Variants in SLC24A4 observed in about 807,000 individuals in gnomAD.
SLC24A4 encodes solute carrier family 24 member 4, also known as sodium/potassium/calcium exchanger 4.
SLC24A4 carries 53 observed loss-of-function variants against 79.0 expected under a neutral mutation model. The ratio of observed to expected loss-of-function variants is 0.67; its 90% CI spans 0.54 to 0.84. SLC24A4 has a LOEUF of 0.84. Among genes scored for constraint, SLC24A4 ranks in the 40% least tolerant of loss-of-function variants. SLC24A4 has a pLI of 0.00. For synonymous variants in SLC24A4, 323 were observed against 323.8 expected (o/e 1.00, Z 0.03); for missense variants, 731 against 822.0 (o/e 0.89, Z 1.35).
chr14:92,384,089 A>G (rs887246454), intron 2 of SLC24A4, among the ~76,000 whole-genome samples: 61 of 152,326 alleles, frequency 4.0e-4, no homozygotes, highest in Admixed American at 3.5e-3. Flanking sequence ...GGCATTGTGA[A>G]TATTTCTGTC....
chr14:92,443,580 G>C, intron 7 of SLC24A4, 106 bp downstream of exon 7: 5 of 1,120,534 alleles, frequency 4.5e-6, no homozygotes, highest in Non-Finnish European at 6.6e-6. Context: ...AGGACTCACA[G>C]CACACAATAG....
chr14:92,334,824 C>T (rs529607763), intron 2 of SLC24A4, among the ~76,000 whole-genome samples: 2 of 152,124 alleles, frequency 1.3e-5, no homozygotes, highest in African/African-American at 4.8e-5. Context: ...ACACCACATG[C>T]TGTATGGAAG....
intron 12 of SLC24A4, among the ~76,000 whole-genome samples, chr14:92,474,833 G>GTGTGTGTGTGTGTA (rs1894656839): frequency 3.2e-5 from 1 of 30,782 alleles, no homozygotes. Flanking sequence ...ATATATATGT[G>GTGTGTGTGTGTGTA]TGTGTGTGTG....
intron 2 of SLC24A4, among the ~76,000 whole-genome samples, chr14:92,385,496 T>TAA (rs56777130): frequency 0.014 from 2,056 of 145,606 alleles, 41 homozygotes; most frequent in African/African-American, 0.046. Flanking sequence ...ACTCCGTCTT[T>TAA]AAAAAAAAAA....
chr14:92,449,605 C>T (rs1893023580), intron 10 of SLC24A4, among the ~76,000 whole-genome samples: 1 of 152,204 alleles, frequency 6.6e-6, no homozygotes, highest in Non-Finnish European at 1.5e-5. Flanking sequence ...GGCAGCAGAG[C>T]CAGCCTGGGC....
At chr14:92,392,182 G>T (rs1889512073) in intron 2 of SLC24A4, among the ~76,000 whole-genome samples, 1 of 151,218 alleles carries the variant, frequency 6.6e-6, no homozygotes, top group African/African-American at 2.4e-5. Context: ...GGTGTCTGGG[G>T]TAAGGCAGGA....
intron 8 of SLC24A4, 150 bp from the exon 9 acceptor site, chr14:92,447,221 A>G (rs1595296316): frequency 3.1e-6 from 2 of 646,836 alleles, no homozygotes; most frequent in Non-Finnish European, 2.7e-6. Flanking sequence ...AGGCTGGGGG[A>G]TCTCTCTCAC....
intron 2 of SLC24A4, among the ~76,000 whole-genome samples, chr14:92,343,111 C>T (rs922977952): frequency 6.6e-6 from 1 of 152,244 alleles, no homozygotes; most frequent in African/African-American, 2.4e-5. Context: ...AACTCTGCAG[C>T]TGCCCCTTCC....
intron 2 of SLC24A4, among the ~76,000 whole-genome samples, chr14:92,386,317 C>G (rs1889153712): frequency 6.6e-6 from 1 of 152,116 alleles, no homozygotes; most frequent in Non-Finnish European, 1.5e-5. Context: ...CCCACATTCT[C>G]TGTGCCTCAG....
intron 2 of SLC24A4, among the ~76,000 whole-genome samples, chr14:92,344,730 C>T (rs1886428120): frequency 2.0e-5 from 3 of 151,974 alleles, no homozygotes; most frequent in African/African-American, 7.3e-5. Flanking sequence ...GGGTTTTGAT[C>T]AGATTTGTGA....
intron 10 of SLC24A4, chr14:92,451,568 C>A (rs1412502248): frequency 2.0e-5 from 3 of 152,288 alleles, no homozygotes; most frequent in African/African-American, 7.2e-5. Context: ...TCTTCAAGAG[C>A]ACACACTCTC....
At chr14:92,478,857 G>T (rs1377935083) in intron 12 of SLC24A4, among the ~76,000 whole-genome samples, 1 of 151,986 alleles carries the variant, frequency 6.6e-6, no homozygotes, top group Non-Finnish European at 1.5e-5. Flanking sequence ...CATTTATTTA[G>T]GTCTTCTTTA....
At chr14:92,360,402 T>C (rs1206793071) in intron 2 of SLC24A4, among the ~76,000 whole-genome samples, 1 of 152,220 alleles carries the variant, frequency 6.6e-6, no homozygotes, top group Non-Finnish European at 1.5e-5. Flanking sequence ...TGCCTAGCCC[T>C]GTGTGTTTTC....
chr14:92,386,244 G>A (rs556933648), intron 2 of SLC24A4, among the ~76,000 whole-genome samples: 21 of 152,236 alleles, frequency 1.4e-4, no homozygotes, highest in African/African-American at 4.6e-4. Context: ...TGTGACAAGC[G>A]TGGGAGTGAT....
Position 92,493,735 on chromosome 14 carries a change from T to G in SLC24A4, c.*107T>G. On this transcript the variant is annotated 3_prime_UTR_variant, in exon 17 of 17. Transcript: ENST00000532405. ...GTCTCTCCTGCATAGGCAGCCACTG[T>G]CCGTTCTTTCACACACTGGAAGGAA... 7.7e-7 allele frequency: 1 copy of G among 1,300,568 alleles called. No homozygotes were observed. The highest frequency in any genetic ancestry group is 1.1e-6 in the Non-Finnish European group (1 of 949,394). The allele number at this position is 1,300,568 out of a possible 1,614,324, so 80.6% of individuals were successfully genotyped here.
At chr14:92,354,809 C>T (rs1441324668) in intron 2 of SLC24A4, among the ~76,000 whole-genome samples, 1 of 152,162 alleles carries the variant, frequency 6.6e-6, no homozygotes, top group African/African-American at 2.4e-5. Context: ...CATGGTGGCT[C>T]ATGCCTGTAA....
chr14:92,411,832 G>T (rs1463401756), intron 2 of SLC24A4, among the ~76,000 whole-genome samples: 1 of 152,210 alleles, frequency 6.6e-6, no homozygotes, highest in Non-Finnish European at 1.5e-5. Context: ...AATCTTCTAA[G>T]GTAGGAACTG....
At chr14:92,475,349 T>C (rs1222966177) in intron 12 of SLC24A4, among the ~76,000 whole-genome samples, 3 of 152,216 alleles carry the variant, frequency 2.0e-5, no homozygotes, top group African/African-American at 7.2e-5. Flanking sequence ...AATAAGACTA[T>C]GTACCACCAC....
chr14:92,438,545 G>A (rs1177202932), intron 3 of SLC24A4, among the ~76,000 whole-genome samples: 2 of 152,196 alleles, frequency 1.3e-5, no homozygotes, highest in African/African-American at 4.8e-5. Flanking sequence ...ATGAGCCCAC[G>A]AGGTAGAGGC....
Sources: gnomAD v4.1 joint callset for allele counts (sites outside exome capture counted in the v4.1 genomes callset) on GRCh38, gnomAD v4.1.1 for gene constraint, MANE v1.5 for transcripts, NCBI Gene and HGNC (gene_info 2026-07-23, HGNC 2026-07-21) for gene names.